Variants in RBKS observed in about 807,000 individuals in gnomAD.
RBKS encodes ribokinase.
In RBKS, 33 loss-of-function variants were observed where a neutral mutation model predicts 33.9. The observed-to-expected ratio is 0.97, with a 90% confidence interval of 0.74 to 1.30. The LOEUF (loss-of-function observed/expected upper bound fraction) is 1.30. Ranked by LOEUF, RBKS falls within the 50% of genes most tolerant of loss-of-function variation. The probability of loss-of-function intolerance (pLI) is 0.00; values close to 1 mark genes in which losing one functional copy is unlikely to be tolerated. For synonymous variants in RBKS, 125 were observed against 143.0 expected (o/e 0.87, Z 0.90); for missense variants, 361 against 392.6 (o/e 0.92, Z 0.68).
At chr2:27,783,986 T>C (rs1226966458) in intron 7 of RBKS, among the ~76,000 whole-genome samples, 27 of 82,072 alleles carry the variant, frequency 3.3e-4, no homozygotes, top group Non-Finnish European at 6.0e-4. Flanking sequence ...TTTTTTTTTT[T>C]TTTTTTTTTT....
chr2:27,858,293 G>A (rs900686838), intron 2 of RBKS, 146 bp downstream of exon 2: 2 of 652,342 alleles, frequency 3.1e-6, no homozygotes, highest in African/African-American at 3.6e-5. Context: ...CAGAAGTGGT[G>A]GTTGAATGTA....
At chr2:27,854,674 C>T (rs1663818617) in intron 2 of RBKS, among the ~76,000 whole-genome samples, 1 of 152,078 alleles carries the variant, frequency 6.6e-6, no homozygotes, top group Non-Finnish European at 1.5e-5. Context: ...TAGTTGCTAA[C>T]AGCCCATACA....
intron 7 of RBKS, among the ~76,000 whole-genome samples, chr2:27,808,026 C>T (rs1677925737): frequency 6.6e-6 from 1 of 152,172 alleles, no homozygotes; most frequent in Non-Finnish European, 1.5e-5. Flanking sequence ...AATTGGTATG[C>T]CTTCTCTTCT....
intron 7 of RBKS, among the ~76,000 whole-genome samples, chr2:27,783,514 G>A (rs1201048980): frequency 6.6e-6 from 1 of 152,174 alleles, no homozygotes. Context: ...TCCTGAGAAA[G>A]TCTGTGGACC....
At chr2:27,859,175 G>A (rs80354907) in intron 1 of RBKS, among the ~76,000 whole-genome samples, 1,609 of 152,186 alleles carry the variant, frequency 0.011, 21 homozygotes, top group African/African-American at 0.037. Flanking sequence ...ATCATTTCAC[G>A]TGCTCACTCA....
chr2:27,794,718 G>C (rs1677611339), intron 7 of RBKS, among the ~76,000 whole-genome samples: 1 of 151,632 alleles, frequency 6.6e-6, no homozygotes. Flanking sequence ...CTGCCTCCCG[G>C]GTTCAAGCAA....
rs1664336824 is a variant in RBKS at position 27,877,547 on chromosome 2, T to C, written c.89+12710A>G. Reference sequence around the variant, plus strand: ...TCTCTTAATTATTTGATACCATTTATTTTGATTTTTAAGGAATATAACCGC... The same window carrying C: ...TCTCTTAATTATTTGATACCATTTACTTTGATTTTTAAGGAATATAACCGC... On this transcript the variant is annotated intron_variant, in intron 1 of 7. Coordinates refer to ENST00000302188, the MANE Select transcript of RBKS (RefSeq NM_022128.3). 2.6e-5 allele frequency among the ~76,000 whole-genome samples: 4 copies of C among 152,170 alleles called. No individual in the cohort carries two copies. In the South Asian group the frequency reaches 8.3e-4, roughly 32 times the overall value.
intron 1 of RBKS, chr2:27,861,663 T>TGGGGGGGG (rs56729802): frequency 2.2e-5 from 7 of 313,190 alleles, no homozygotes; most frequent in East Asian, 1.7e-4. Context: ...CATTTCTTTT[T>TGGGGGGGG]GGGGGGGGGG....
chr2:27,834,099 T>G (rs1028812884), intron 5 of RBKS, among the ~76,000 whole-genome samples: 14 of 152,222 alleles, frequency 9.2e-5, no homozygotes, highest in Admixed American at 2.0e-4. Context: ...AAGTTCTCCA[T>G]GAGGCTCTCA....
intron 7 of RBKS, among the ~76,000 whole-genome samples, chr2:27,788,581 C>G (rs529104613): frequency 6.6e-6 from 1 of 152,254 alleles, no homozygotes; most frequent in Admixed American, 6.5e-5. Flanking sequence ...GTGGCAGGCA[C>G]CTGTAGTCCC....
intron 1 of RBKS, among the ~76,000 whole-genome samples, chr2:27,866,095 T>G (rs1664093083): frequency 6.6e-6 from 1 of 152,190 alleles, no homozygotes; most frequent in African/African-American, 2.4e-5. Context: ...CTTTAACATT[T>G]ATTATAGTGT....
At chr2:27,816,283 T>A (rs1387880769) in intron 7 of RBKS, among the ~76,000 whole-genome samples, 1 of 152,248 alleles carries the variant, frequency 6.6e-6, no homozygotes, top group Non-Finnish European at 1.5e-5. Context: ...GATGTGGAAG[T>A]AATGTAATAG....
At chr2:27,832,637 G>A in intron 6 of RBKS, 49 bp downstream of exon 6, 2 of 1,214,932 alleles carry the variant, frequency 1.6e-6, no homozygotes, top group Non-Finnish European at 2.4e-6. Flanking sequence ...TTATCCACTT[G>A]TACAAACTTT....
At chr2:27,870,683 G>A in intron 1 of RBKS, 1 of 428,632 alleles carries the variant, frequency 2.3e-6, no homozygotes, top group South Asian at 1.6e-5. Context: ...ATGGTGTGTA[G>A]ACTCACATTC....
intron 1 of RBKS, among the ~76,000 whole-genome samples, chr2:27,874,472 G>C (rs1664274988): frequency 6.6e-6 from 1 of 152,212 alleles, no homozygotes; most frequent in African/African-American, 2.4e-5. Context: ...TTCAAGAACT[G>C]ATATCACTGG....
In RBKS at chr2:27,869,379, C is replaced by T. The variant is rs770453814; in HGVS notation, c.90-10808G>A. ...CAAATTTAACTTTTCTTCTTAAACCCGAGTGCAGTATTCTTTATGTAACCT... is the reference window on the plus strand; with the variant it reads ...CAAATTTAACTTTTCTTCTTAAACCTGAGTGCAGTATTCTTTATGTAACCT... On this transcript the variant is annotated intron_variant, in intron 1 of 7. Transcript: ENST00000302188. Among the ~76,000 whole-genome samples the T allele has an allele frequency of 2.8e-4, 43 of 152,200 alleles. 1 individual carries two copies. The Middle Eastern group carries it at 0.01, about 36-fold the overall frequency.
At chr2:27,791,854 C>G (rs1665114952) in intron 7 of RBKS, among the ~76,000 whole-genome samples, 1 of 151,996 alleles carries the variant, frequency 6.6e-6, no homozygotes, top group African/African-American at 2.4e-5. Context: ...CAGCAACTTT[C>G]TGGGGTGATG....
chr2:27,861,413 C>G, intron 1 of RBKS: 1 of 455,506 alleles, frequency 2.2e-6, no homozygotes, highest in Non-Finnish European at 4.6e-6. Flanking sequence ...CATATTTTAC[C>G]AGATCTTGCC....
At chr2:27,865,247 G>C (rs1340118186) in intron 1 of RBKS, among the ~76,000 whole-genome samples, 1 of 152,176 alleles carries the variant, frequency 6.6e-6, no homozygotes, top group African/African-American at 2.4e-5. Flanking sequence ...GTGAACCCAG[G>C]AGGCGGAGGT....
Sources: gnomAD v4.1 joint callset for allele counts (sites outside exome capture counted in the v4.1 genomes callset) on GRCh38, gnomAD v4.1.1 for gene constraint, MANE v1.5 for transcripts, NCBI Gene and HGNC (gene_info 2026-07-23, HGNC 2026-07-21) for gene names.